SDK2: variants seen among roughly 807,000 people sequenced by gnomAD.
The protein encoded by SDK2 is sidekick cell adhesion molecule 2.
A neutral mutation model predicts 253.9 loss-of-function variants in SDK2; 105 were observed. The ratio of observed to expected loss-of-function variants is 0.41; its 90% CI spans 0.35 to 0.49. SDK2 has a LOEUF of 0.49. Among genes scored for constraint, SDK2 ranks in the 20% least tolerant of loss-of-function variants. SDK2 has a pLI of 0.06. For synonymous variants in SDK2, 1,249 were observed against 1,234.9 expected (o/e 1.01, Z -0.24); for missense variants, 2,608 against 3,003.0 (o/e 0.87, Z 3.07).
At chr17:73,533,339 G>A (rs1223276469) in intron 1 of SDK2, among the ~76,000 whole-genome samples, 5 of 152,238 alleles carry the variant, frequency 3.3e-5, no homozygotes, top group Non-Finnish European at 5.9e-5. Flanking sequence ...TGGATTCAGA[G>A]GCAGGCTGCC....
chr17:73,631,790 C>T (rs2046274375), intron 1 of SDK2, among the ~76,000 whole-genome samples: 2 of 152,234 alleles, frequency 1.3e-5, no homozygotes, highest in Non-Finnish European at 2.9e-5. Flanking sequence ...CTGGGAGCCT[C>T]AGCTCTTCTG....
intron 1 of SDK2, among the ~76,000 whole-genome samples, chr17:73,594,100 T>G (rs1160822238): frequency 6.6e-6 from 1 of 152,178 alleles, no homozygotes; most frequent in Non-Finnish European, 1.5e-5. Context: ...TCAAAAACTG[T>G]TTCCCCAAAC....
At chr17:73,504,211 TGTGTGA>T (rs1334911222) in intron 2 of SDK2, 33,404 of 141,222 alleles carry the variant, frequency 0.24, 5,071 homozygotes, top group South Asian at 0.33. Flanking sequence ...TGTGTGTGTG[TGTGTGA>T]GAGAGAGAGA....
intron 2 of SDK2, among the ~76,000 whole-genome samples, chr17:73,502,708 C>T (rs2145750217): frequency 6.6e-6 from 1 of 152,308 alleles, no homozygotes; most frequent in Non-Finnish European, 1.5e-5. Context: ...ATCTCCTTAT[C>T]CCAACCACCA....
At chr17:73,478,646 G>A (rs901766278) in intron 2 of SDK2, among the ~76,000 whole-genome samples, 3 of 152,158 alleles carry the variant, frequency 2.0e-5, no homozygotes, top group African/African-American at 4.8e-5. Flanking sequence ...GAGCAGGGGG[G>A]ACAATAACAG....
intron 1 of SDK2, among the ~76,000 whole-genome samples, chr17:73,548,479 A>G (rs2045002459): frequency 6.6e-6 from 1 of 152,216 alleles, no homozygotes; most frequent in Non-Finnish European, 1.5e-5. Context: ...GCACAGGATG[A>G]TTATTCCTCC....
chr17:73,434,304 C>T (rs1365659198), intron 9 of SDK2, among the ~76,000 whole-genome samples: 3 of 152,250 alleles, frequency 2.0e-5, no homozygotes, highest in Non-Finnish European at 4.4e-5. Flanking sequence ...CGGCCATGGC[C>T]ACCGTTTAGG....
At chr17:73,580,176 A>G (rs1168500459) in intron 1 of SDK2, among the ~76,000 whole-genome samples, 4 of 152,042 alleles carry the variant, frequency 2.6e-5, no homozygotes, top group Non-Finnish European at 5.9e-5. Context: ...GCAAATGAAA[A>G]CAGACGCCTT....
At chr17:73,469,982 G>GCA (rs2063632817) in intron 3 of SDK2, among the ~76,000 whole-genome samples, 2 of 66,480 alleles carry the variant, frequency 3.0e-5, no homozygotes, top group Admixed American at 2.0e-4. Flanking sequence ...ATTTGCGACT[G>GCA]CGCGCGCGCG....
chr17:73,497,751 A>G (rs2063854794), intron 2 of SDK2, among the ~76,000 whole-genome samples: 1 of 152,072 alleles, frequency 6.6e-6, no homozygotes, highest in Non-Finnish European at 1.5e-5. Context: ...CTTCCTGAGC[A>G]AAGATTTGAA....
chr17:73,354,461 G>C (rs1255367647), intron 40 of SDK2, among the ~76,000 whole-genome samples: 1 of 152,212 alleles, frequency 6.6e-6, no homozygotes, highest in Non-Finnish European at 1.5e-5. Context: ...GGCCAGGAGG[G>C]GCCCTGGCTG....
At position 73,358,223 on chromosome 17, in the gene SDK2, G is replaced by A; in HGVS notation, c.5468-19C>T. 6.3e-7 allele frequency: 1 copy of A among 1,582,488 alleles called. No homozygotes were observed. The highest frequency in any genetic ancestry group is 8.5e-7 in the Non-Finnish European group (1 of 1,170,188). On this transcript the variant is annotated intron_variant, in intron 39 of 44. Coordinates refer to ENST00000392650, the MANE Select transcript of SDK2 (RefSeq NM_001144952.2). ...GGGGCACCTGCAGACAGCACACAGA[G>A]GCGAGGGATGTATGGAACCCAGAAC...
rs148149738 is a variant in SDK2 at position 73,445,068 on chromosome 17, T to C, written c.613+2547A>G. ...AACAACTTATGCATACGACTCTACT[T>C]TTCAGCTATAAATTTTGTGAAATCT... On this transcript the variant is annotated intron_variant, in intron 5 of 44. Transcript: ENST00000392650. 2.6e-3 allele frequency among the ~76,000 whole-genome samples: 403 copies of C among 152,374 alleles called. 11 individuals carry two copies. The East Asian group carries it at 0.064, about 24-fold the overall frequency.
At chr17:73,631,664 G>A (rs1425238499) in intron 1 of SDK2, among the ~76,000 whole-genome samples, 1 of 152,224 alleles carries the variant, frequency 6.6e-6, no homozygotes, top group African/African-American at 2.4e-5. Context: ...GGGAGGAGGT[G>A]CTTGAACCTA....
At chr17:73,371,272 T>A (rs1333506109) in intron 36 of SDK2, among the ~76,000 whole-genome samples, 3 of 151,666 alleles carry the variant, frequency 2.0e-5, no homozygotes, top group Non-Finnish European at 4.4e-5. Flanking sequence ...CTTCCGTGAG[T>A]GCACACTGGG....
At position 73,431,246 on chromosome 17, in the gene SDK2, C is replaced by A. The variant is rs998727822; in HGVS notation, c.1480+256G>T. On this transcript the variant is annotated intron_variant, in intron 11 of 44. Transcript: ENST00000392650. The surrounding 1 kb of genome is among the most constrained non-coding windows in gnomAD (Gnocchi z 5.6). ...ATTTCTGCCCTAAAATATATGAAGGCAGCTCTCCTATAACTTCAATGTTCT... is the reference window on the plus strand; with the variant it reads ...ATTTCTGCCCTAAAATATATGAAGGAAGCTCTCCTATAACTTCAATGTTCT... 6.6e-6 allele frequency among the ~76,000 whole-genome samples: 1 copy of A among 152,178 alleles called. No homozygotes were observed. The highest frequency in any genetic ancestry group is 6.5e-5 in the Admixed American group (1 of 15,284).
rs2062546252 is a variant in SDK2, at chr17:73,352,378, G to C, written c.5758+95C>G. On this transcript the variant is annotated intron_variant, in intron 41 of 44. Coordinates refer to ENST00000392650, the MANE Select transcript of SDK2 (RefSeq NM_001144952.2). This position sits in a 1 kb window ranked among gnomAD's most constrained non-coding sequence, Gnocchi z 4.1. ...TTTTTGTTCCCGCCCCATGCTCCTG[G>C]TGCCCTGGTGCCTCTCCTCCTTCCG... The C allele has an allele frequency of 7.0e-7, 1 of 1,429,520 alleles. No individual in the cohort carries two copies. Among genetic ancestry groups the C allele is most frequent in the Non-Finnish European group, 9.4e-7 (1 of 1,060,298 alleles). The allele number at this position is 1,429,520 out of a possible 1,614,324, so 88.6% of individuals were successfully genotyped here.
chr17:73,355,003 G>A (rs931726584), intron 40 of SDK2, among the ~76,000 whole-genome samples: 1 of 151,260 alleles, frequency 6.6e-6, no homozygotes, highest in Non-Finnish European at 1.5e-5. Flanking sequence ...TGCTGAGGGG[G>A]CTGTCTCCCC....
In SDK2 at chr17:73,431,363, C is replaced by G; in HGVS notation, c.1480+139G>C. 1 of 802,888 alleles carries G rather than the reference C, an allele frequency of 1.2e-6. No homozygotes were observed. The allele number at this position is 802,888 out of a possible 1,614,324, so 49.7% of individuals were successfully genotyped here. Reference sequence around the variant, plus strand: ...TCACTGTCCCTCTGATGAGAAGGGCCCTGACTGGGACAGACACTGGGGATG... The same window carrying G: ...TCACTGTCCCTCTGATGAGAAGGGCGCTGACTGGGACAGACACTGGGGATG... On this transcript the variant is annotated intron_variant, in intron 11 of 44. Coordinates refer to ENST00000392650, the MANE Select transcript of SDK2 (RefSeq NM_001144952.2). The surrounding 1 kb of genome is among the most constrained non-coding windows in gnomAD (Gnocchi z 5.6).
Sources: gnomAD v4.1 joint callset for allele counts (sites outside exome capture counted in the v4.1 genomes callset) on GRCh38, gnomAD v4.1.1 for gene constraint, Gnocchi (gnomAD v3.1) non-coding constraint, MANE v1.5 for transcripts, NCBI Gene and HGNC (gene_info 2026-07-23, HGNC 2026-07-21) for gene names.